QRSL1: variants seen among roughly 807,000 people sequenced by gnomAD.
QRSL1 encodes the protein glutamyl-tRNA(Gln) amidotransferase subunit A, mitochondrial.
A neutral mutation model predicts 61.6 loss-of-function variants in QRSL1; 54 were observed. That is an observed-to-expected ratio of 0.88 (90% confidence interval 0.70 to 1.10). QRSL1 has a LOEUF of 1.10. Ranked by LOEUF, QRSL1 falls within the 50% of genes least tolerant of loss-of-function variation. The probability of loss-of-function intolerance (pLI) is 0.00; values close to 1 mark genes in which losing one functional copy is unlikely to be tolerated. For missense variants in QRSL1, 505 were observed against 622.6 expected (o/e 0.81, Z 2.01); for synonymous variants, 228 against 225.7 (o/e 1.01, Z -0.09).
At chr6:106,662,738 G>C (rs1777375518) in intron 9 of QRSL1, among the ~76,000 whole-genome samples, 1 of 152,224 alleles carries the variant, frequency 6.6e-6, no homozygotes, top group Admixed American at 6.5e-5. Flanking sequence ...ATGCCTTTAA[G>C]CTCTGCTTCA....
chr6:106,637,596 C>T (rs1432855989), intron 1 of QRSL1, among the ~76,000 whole-genome samples: 2 of 152,162 alleles, frequency 1.3e-5, no homozygotes, highest in African/African-American at 4.8e-5. Flanking sequence ...AGGAGATCAT[C>T]TTTCCCCTCT....
intron 7 of QRSL1, chr6:106,653,017 A>G: frequency 3.2e-6 from 1 of 313,452 alleles, no homozygotes; most frequent in African/African-American, 2.1e-5. Flanking sequence ...TATGGGCCAT[A>G]GTTTGCCCAT....
At chr6:106,645,380 A>G (rs534927791) in intron 4 of QRSL1, among the ~76,000 whole-genome samples, 3 of 152,154 alleles carry the variant, frequency 2.0e-5, no homozygotes, top group African/African-American at 7.2e-5. Context: ...TTTCCTGCAT[A>G]TAAATTGTAC....
rs577333284 is a variant in QRSL1, at chr6:106,632,581, A to G, written c.24+2876A>G. Among the ~76,000 whole-genome samples the G allele has an allele frequency of 1.1e-4, 17 of 152,220 alleles. No homozygotes were observed. In the East Asian group the frequency reaches 2.3e-3, roughly 21 times the overall value. ...TTCTCCATAGTGGCTGTAGTAATTT[A>G]CATTTCATCCAACTTTTCTCCATCC... On this transcript the variant is annotated intron_variant, in intron 1 of 10. Transcript: ENST00000369046.
Position 106,652,198 on chromosome 6 carries a change from T to C in QRSL1, c.558-11T>C. 6.2e-7 allele frequency: 1 copy of C among 1,602,050 alleles called. No homozygotes were observed. The highest frequency in any genetic ancestry group is 1.1e-5 in the South Asian group (1 of 89,348). On this transcript the variant is annotated splice_polypyrimidine_tract_variant and intron_variant, in intron 5 of 10. Transcript: ENST00000369046. Reference sequence around the variant, plus strand: ...ATCATTCTTCTAAAGATAATTCCATTTAAATTCCAGGGCTTTAGGATCAGA... The same window carrying C: ...ATCATTCTTCTAAAGATAATTCCATCTAAATTCCAGGGCTTTAGGATCAGA...
intron 8 of QRSL1, 63 bp downstream of exon 8, chr6:106,654,985 A>T: frequency 7.1e-7 from 1 of 1,407,754 alleles, no homozygotes; most frequent in Non-Finnish European, 9.6e-7. Context: ...AAGTTCACTT[A>T]TTAGTGACAA....
intron 9 of QRSL1, among the ~76,000 whole-genome samples, chr6:106,660,104 C>T (rs1382492644): frequency 1.3e-5 from 2 of 151,958 alleles, no homozygotes; most frequent in Admixed American, 1.3e-4. Flanking sequence ...ACTTACCCCC[C>T]ACCCCACATA....
intron 1 of QRSL1, among the ~76,000 whole-genome samples, chr6:106,639,741 C>T (rs576667040): frequency 8.0e-4 from 122 of 152,192 alleles, no homozygotes; most frequent in Non-Finnish European, 1.1e-3. Flanking sequence ...CAGTCACTTT[C>T]GGTGCAGTTT....
At position 106,663,960 on chromosome 6, in the gene QRSL1, A is replaced by G. The variant is rs1445587130; in HGVS notation, c.1366+775A>G. Among the ~76,000 whole-genome samples the G allele has an allele frequency of 2.0e-5, 3 of 152,178 alleles. No homozygotes were observed. In the East Asian group the frequency reaches 5.8e-4, roughly 29 times the overall value. ...CTTTCTACACACCCACACTCACCAC[A>G]CAAACAACTTTGTTTTTACCTGAAT... On this transcript the variant is annotated intron_variant, in intron 10 of 10. Transcript: ENST00000369046.
chr6:106,643,147 T>A, intron 4 of QRSL1, 57 bp downstream of exon 4: 2 of 1,159,856 alleles, frequency 1.7e-6, no homozygotes, highest in Non-Finnish European at 2.5e-6. Flanking sequence ...TTATTTTCAC[T>A]AAATGTAGTT....
At chr6:106,642,701 G>C in intron 3 of QRSL1, 1 of 754,188 alleles carries the variant, frequency 1.3e-6, no homozygotes, top group South Asian at 1.4e-5. Flanking sequence ...CAAGATTCTT[G>C]CCAAGAGAAT....
intron 9 of QRSL1, among the ~76,000 whole-genome samples, chr6:106,659,205 C>G (rs1289265952): frequency 6.6e-6 from 1 of 152,138 alleles, no homozygotes; most frequent in African/African-American, 2.4e-5. Context: ...TGGCTCACAC[C>G]TGTAATCCCA....
At chr6:106,650,848 T>G (rs1009973855) in intron 5 of QRSL1, among the ~76,000 whole-genome samples, 1 of 152,202 alleles carries the variant, frequency 6.6e-6, no homozygotes, top group Non-Finnish European at 1.5e-5. Context: ...TAATCTTACT[T>G]TATACATCAT....
At chr6:106,644,055 A>G (rs1390087111) in intron 4 of QRSL1, among the ~76,000 whole-genome samples, 2 of 151,992 alleles carry the variant, frequency 1.3e-5, no homozygotes, top group African/African-American at 4.8e-5. Flanking sequence ...TATTTTTAGT[A>G]GAGATTGGGT....
chr6:106,632,333 C>T (rs1242575507), intron 1 of QRSL1, among the ~76,000 whole-genome samples: 2 of 152,072 alleles, frequency 1.3e-5, no homozygotes, highest in African/African-American at 2.4e-5. Context: ...ATATACGTAG[C>T]AGTGGGATTG....
intron 9 of QRSL1, among the ~76,000 whole-genome samples, chr6:106,656,702 G>A (rs997434726): frequency 6.6e-6 from 1 of 152,180 alleles, no homozygotes; most frequent in Admixed American, 6.5e-5. Context: ...TGTCACCCAG[G>A]CTGTAGTGCA....
chr6:106,662,917 G>A (rs1777378985), intron 9 of QRSL1, 63 bp from the exon 10 acceptor site: 2 of 1,350,324 alleles, frequency 1.5e-6, no homozygotes, highest in Non-Finnish European at 2.1e-6. Flanking sequence ...CCTAATGTAA[G>A]ATAATTGATT....
chr6:106,645,274 G>C (rs1054334236), intron 4 of QRSL1, among the ~76,000 whole-genome samples: 1 of 152,162 alleles, frequency 6.6e-6, no homozygotes, highest in South Asian at 2.1e-4. Flanking sequence ...GATTTTGATT[G>C]TGATTGTGTT....
At chr6:106,652,138 T>C in intron 5 of QRSL1, 71 bp from the exon 6 acceptor site, 1 of 1,392,794 alleles carries the variant, frequency 7.2e-7, no homozygotes, top group East Asian at 2.3e-5. Flanking sequence ...AAATATACAA[T>C]TGAAAGGGTA....
Sources: gnomAD v4.1 joint callset for allele counts (sites outside exome capture counted in the v4.1 genomes callset) on GRCh38, gnomAD v4.1.1 for gene constraint, MANE v1.5 for transcripts, NCBI Gene and HGNC (gene_info 2026-07-23, HGNC 2026-07-21) for gene names.